Variants in TMTC1 observed in about 807,000 individuals in gnomAD.
TMTC1 encodes the protein protein O-mannosyl-transferase TMTC1.
TMTC1 carries 73 observed loss-of-function variants against 104.8 expected under a neutral mutation model. The observed-to-expected ratio is 0.70, with a 90% confidence interval of 0.58 to 0.85. The LOEUF (loss-of-function observed/expected upper bound fraction) is 0.85, where lower values mean the gene tolerates loss of function less well. Among genes scored for constraint, TMTC1 ranks in the 40% least tolerant of loss-of-function variants. The pLI, the probability that TMTC1 is intolerant of heterozygous loss-of-function variation, is 0.00. For synonymous variants in TMTC1, 434 were observed against 428.7 expected, an observed-to-expected ratio of 1.01 and a Z score of -0.15; for missense variants, 1,035 against 1,096.1, an observed-to-expected ratio of 0.94 and a Z score of 0.79.
intron 6 of TMTC1, among the ~76,000 whole-genome samples, chr12:29,613,291 C>T (rs1169110895): frequency 6.6e-6 from 1 of 152,124 alleles, no homozygotes; most frequent in Non-Finnish European, 1.5e-5. Flanking sequence ...CACCTGACAC[C>T]CATGACTTCA....
At chr12:29,698,756 A>C (rs994521218) in intron 5 of TMTC1, among the ~76,000 whole-genome samples, 1 of 152,224 alleles carries the variant, frequency 6.6e-6, no homozygotes, top group Non-Finnish European at 1.5e-5. Flanking sequence ...GTCTTGCCAG[A>C]GTATGAACAG....
At chr12:29,576,788 A>G (rs986629829) in intron 8 of TMTC1, among the ~76,000 whole-genome samples, 15 of 152,184 alleles carry the variant, frequency 9.9e-5, no homozygotes, top group Non-Finnish European at 2.1e-4. Flanking sequence ...TGCCCTTACT[A>G]TTAATACAAA....
At chr12:29,539,068 T>A (rs991526745) in intron 10 of TMTC1, among the ~76,000 whole-genome samples, 1 of 152,218 alleles carries the variant, frequency 6.6e-6, no homozygotes, top group Non-Finnish European at 1.5e-5. Context: ...GGGAGAGGAA[T>A]GAAGAGAATA....
chr12:29,554,728 A>T (rs1371789213), intron 10 of TMTC1, among the ~76,000 whole-genome samples: 1 of 152,060 alleles, frequency 6.6e-6, no homozygotes, highest in African/African-American at 2.4e-5. Flanking sequence ...AAGCTTAGCC[A>T]GCCATGGGGG....
At position 29,506,633 on chromosome 12, in the gene TMTC1, C is replaced by T. The variant is rs1592140817; in HGVS notation, c.*213G>A. 2 of 564,230 alleles carry T rather than the reference C, an allele frequency of 3.5e-6. No individual in the cohort carries two copies. The highest frequency in any genetic ancestry group is 5.9e-5 in the East Asian group (2 of 33,802). The allele number at this position is 564,230 out of a possible 1,614,324, so 35.0% of individuals were successfully genotyped here. ...ATGTCATTCTCCTTCCCTCTCAGAC[C>T]TTCTTGCCCTTGTTTGCTGTTTTCG... On this transcript the variant is annotated 3_prime_UTR_variant, in exon 18 of 18. Coordinates refer to ENST00000539277, the MANE Select transcript of TMTC1 (RefSeq NM_001193451.2).
chr12:29,759,261 C>T (rs1472449096), intron 2 of TMTC1, among the ~76,000 whole-genome samples: 3 of 152,088 alleles, frequency 2.0e-5, no homozygotes, highest in South Asian at 2.1e-4. Context: ...TTTGGAAGGC[C>T]GAGGCTGGCG....
At chr12:29,728,747 T>A (rs1412936417) in intron 5 of TMTC1, among the ~76,000 whole-genome samples, 1 of 151,068 alleles carries the variant, frequency 6.6e-6, no homozygotes, top group African/African-American at 2.4e-5. Flanking sequence ...GCCTGTAATC[T>A]CAGCACTTTG....
At position 29,783,852 on chromosome 12, in the gene TMTC1, C is replaced by T; in HGVS notation, c.-101G>A. On this transcript the variant is annotated 5_prime_UTR_variant, in exon 1 of 18. Transcript: ENST00000539277. The surrounding 1 kb of genome is among the most constrained non-coding windows in gnomAD (Gnocchi z 4.7). ...CGCGGCGTCTGCCCGGAGGGGGGCT[C>T]GGGCATGGTGCTGCGGCAGCTGGAC... 1.9e-6 allele frequency: 2 copies of T among 1,033,814 alleles called. No homozygotes were observed. Among genetic ancestry groups the T allele is most frequent in the African/African-American group, 1.7e-5 (1 of 58,356 alleles). The allele number at this position is 1,033,814 out of a possible 1,614,324, so 64.0% of individuals were successfully genotyped here. A position where few individuals can be genotyped will look rare whatever the true frequency, so the allele number is the denominator to read the frequency against.
intron 6 of TMTC1, among the ~76,000 whole-genome samples, chr12:29,606,439 G>A (rs1348066725): frequency 6.6e-6 from 1 of 152,182 alleles, no homozygotes; most frequent in Admixed American, 6.5e-5. Flanking sequence ...CAAATAAAGA[G>A]TGTCTTGTCA....
chr12:29,665,990 T>C (rs956864266), intron 5 of TMTC1, among the ~76,000 whole-genome samples: 2 of 152,072 alleles, frequency 1.3e-5, no homozygotes, highest in African/African-American at 2.4e-5. Flanking sequence ...TTCCCACTTG[T>C]CCATGCTATA....
At chr12:29,722,944 GAAAGAAAA>G (rs1354024398) in intron 5 of TMTC1, among the ~76,000 whole-genome samples, 2 of 106,106 alleles carry the variant, frequency 1.9e-5, no homozygotes, top group Admixed American at 8.7e-5. Flanking sequence ...AAGGAAGAAA[GAAAGAAAA>G]AAGAAAAGAA....
chr12:29,570,598 C>T (rs972352646), intron 9 of TMTC1, among the ~76,000 whole-genome samples: 1 of 152,120 alleles, frequency 6.6e-6, no homozygotes, highest in Non-Finnish European at 1.5e-5. Flanking sequence ...AATCTCAGCA[C>T]TTTGGGAGGC....
intron 5 of TMTC1, among the ~76,000 whole-genome samples, chr12:29,743,989 GGT>G (rs1942890247): frequency 6.6e-6 from 1 of 152,124 alleles, no homozygotes; most frequent in African/African-American, 2.4e-5. Context: ...TATTCCATAT[GGT>G]GTCTGCTGAG....
chr12:29,535,903 A>G (rs79067350), intron 11 of TMTC1: 4,525 of 282,728 alleles, frequency 0.016, 67 homozygotes, highest in South Asian at 0.027. Context: ...TCAGAAAAAT[A>G]TTACAAGTAA....
chr12:29,744,368 G>A (rs1942899850), intron 5 of TMTC1, among the ~76,000 whole-genome samples: 1 of 152,162 alleles, frequency 6.6e-6, no homozygotes, highest in Non-Finnish European at 1.5e-5. Context: ...CCTGCACATT[G>A]TACACATGTA....
At chr12:29,518,879 C>T (rs937422689) in intron 12 of TMTC1, among the ~76,000 whole-genome samples, 10 of 152,086 alleles carry the variant, frequency 6.6e-5, no homozygotes, top group Admixed American at 2.0e-4. Context: ...TTATTTTAGT[C>T]GAAATTTTTC....
intron 5 of TMTC1, among the ~76,000 whole-genome samples, chr12:29,702,737 A>C (rs1941632154): frequency 6.6e-6 from 1 of 152,108 alleles, no homozygotes; most frequent in Admixed American, 6.5e-5. Flanking sequence ...TACTGTAGAC[A>C]CTCATTTCAG....
At chr12:29,743,114 A>C (rs1480210755) in intron 5 of TMTC1, among the ~76,000 whole-genome samples, 3 of 152,212 alleles carry the variant, frequency 2.0e-5, no homozygotes, top group African/African-American at 7.2e-5. Flanking sequence ...TTTTCACAAT[A>C]ATCTCATGGG....
At position 29,783,299 on chromosome 12, in the gene TMTC1, T is replaced by A. The variant is rs907297415; in HGVS notation, c.302+151A>T. The A allele has an allele frequency of 5.8e-6, 4 of 685,534 alleles. No individual in the cohort carries two copies. In the East Asian group the frequency reaches 1.4e-4, roughly 23 times the overall value. 42.5% of individuals were successfully genotyped at this position (685,534 alleles called of 1,614,324 possible). ...CCGGGCAGTGGATCCCGGAGCAAAG[T>A]GCCATGCACATCCTGGAGAGGAGGG... On this transcript the variant is annotated intron_variant, in intron 1 of 17. Transcript: ENST00000539277. This position sits in a 1 kb window ranked among gnomAD's most constrained non-coding sequence, Gnocchi z 4.7.
Sources: allele counts gnomAD v4.1 joint callset (sites outside exome capture counted in the v4.1 genomes callset), GRCh38; gene constraint gnomAD v4.1.1; non-coding constraint Gnocchi (gnomAD v3.1); transcripts MANE v1.5; gene names NCBI Gene and HGNC (gene_info 2026-07-23, HGNC 2026-07-21).